The following PDE1A variants were observed in gnomAD, a reference collection of about 807,000 sequenced individuals.
PDE1A encodes dual specificity calcium/calmodulin-dependent 3',5'-cyclic nucleotide phosphodiesterase 1A.
In PDE1A, 35 loss-of-function variants were observed where a neutral mutation model predicts 61.7. The observed-to-expected ratio is 0.57, with a 90% CI of 0.43 to 0.75. The LOEUF is 0.75. Ranked by LOEUF, PDE1A falls within the 30% of genes least tolerant of loss-of-function variation. The probability of loss-of-function intolerance (pLI) is 0.00; values close to 1 mark genes in which losing one functional copy is unlikely to be tolerated. For synonymous variants in PDE1A, 232 were observed against 213.2 expected, an observed-to-expected ratio of 1.09 and a Z score of -0.77; for missense variants, 597 against 630.6, an observed-to-expected ratio of 0.95 and a Z score of 0.57.
chr2:182,488,351 C>T (rs772065752), intron 2 of PDE1A, among the ~76,000 whole-genome samples: 31 of 152,012 alleles, frequency 2.0e-4, no homozygotes, highest in South Asian at 4.1e-4. Context: ...TTCACAACTG[C>T]GACCTTCTGA....
intron 1 of PDE1A, among the ~76,000 whole-genome samples, chr2:182,425,851 G>A (rs1427364166): frequency 6.6e-6 from 1 of 152,098 alleles, no homozygotes; most frequent in African/African-American, 2.4e-5. Flanking sequence ...GGCAAAAATA[G>A]GGTTCAATTT....
chr2:182,416,610 C>A (rs1702933428), intron 1 of PDE1A, among the ~76,000 whole-genome samples: 1 of 151,978 alleles, frequency 6.6e-6, no homozygotes, highest in Admixed American at 6.6e-5. Context: ...TGAGGACAGG[C>A]TATCTTCCAG....
intron 2 of PDE1A, among the ~76,000 whole-genome samples, chr2:182,453,322 A>AT (rs986715356): frequency 6.6e-6 from 1 of 151,578 alleles, no homozygotes; most frequent in African/African-American, 2.4e-5. Flanking sequence ...GATGCAGGCC[A>AT]TTTTTTTTCT....
At chr2:182,617,863 T>C in the PDE1A span, among the ~76,000 whole-genome samples, 1 of 152,208 alleles carries the variant, frequency 6.6e-6, no homozygotes, top group Non-Finnish European at 1.5e-5. Flanking sequence ...CTGGATTACA[T>C]GTTAGCCCTT....
chr2:182,626,865 A>G, the PDE1A span, among the ~76,000 whole-genome samples: 1 of 48,088 alleles, frequency 2.1e-5, no homozygotes, highest in Non-Finnish European at 4.0e-5. Flanking sequence ...ATATACATAT[A>G]TATATACATA....
intron 2 of PDE1A, among the ~76,000 whole-genome samples, chr2:182,517,351 C>T (rs1030617204): frequency 2.0e-5 from 3 of 152,132 alleles, no homozygotes; most frequent in Non-Finnish European, 4.4e-5. Context: ...ATGTTTATTC[C>T]AGCTGTGAAT....
At chr2:182,615,500 C>T in the PDE1A span, among the ~76,000 whole-genome samples, 2 of 152,162 alleles carry the variant, frequency 1.3e-5, no homozygotes, top group African/African-American at 2.4e-5. Flanking sequence ...TCATTAGATG[C>T]TAAATTAGCA....
chr2:182,227,728 G>A (rs914519012), intron 6 of PDE1A, among the ~76,000 whole-genome samples: 1 of 152,034 alleles, frequency 6.6e-6, no homozygotes, highest in East Asian at 1.9e-4. Context: ...GTGGGGCATG[G>A]TTTTAAACTC....
exon 10 of PDE1A, chr2:182,201,543 T>G (rs761897646): frequency 6.2e-7 from 1 of 1,613,532 alleles, no homozygotes; most frequent in East Asian, 2.2e-5. Context: ...AGGGACATGG[T>G]TTTGGCTCTG....
At chr2:182,507,485 C>T (rs563673319) in intron 2 of PDE1A, among the ~76,000 whole-genome samples, 20 of 152,246 alleles carry the variant, frequency 1.3e-4, no homozygotes, top group African/African-American at 2.9e-4. Flanking sequence ...CTTCTTCACA[C>T]GCCAGTTTGA....
At chr2:182,670,375 C>T in the PDE1A span, among the ~76,000 whole-genome samples, 1 of 152,190 alleles carries the variant, frequency 6.6e-6, no homozygotes, top group Non-Finnish European at 1.5e-5. Context: ...CTGAGCTCTA[C>T]AACAGGGCAA....
intron 7 of PDE1A, among the ~76,000 whole-genome samples, chr2:182,221,089 T>TCCTCTTCCTTGTCATCCC (rs1266846702): frequency 2.0e-5 from 3 of 151,890 alleles, no homozygotes; most frequent in Non-Finnish European, 4.4e-5. Flanking sequence ...CTTCTTGTCC[T>TCCTCTTCCTTGTCATCCC]CCTCTTCCTT....
chr2:182,219,337 T>C lies in PDE1A; in HGVS notation c.776+4527A>G, dbSNP rs151328529. Among the ~76,000 whole-genome samples the C allele has an allele frequency of 2.3e-4, 35 of 152,200 alleles. 1 individual carries two copies. The East Asian group carries it at 6.0e-3, about 26-fold the overall frequency. Reference sequence around the variant, plus strand: ...ATACTTCAAGTTGCATTGATGAATTTGGTATTCTAACTTTAAGCCTGAAAT... The same window carrying C: ...ATACTTCAAGTTGCATTGATGAATTCGGTATTCTAACTTTAAGCCTGAAAT... On this transcript the variant is annotated intron_variant, in intron 7 of 13. Transcript: ENST00000351439.
chr2:182,207,566 G>A (rs1420887717), intron 7 of PDE1A, among the ~76,000 whole-genome samples: 1 of 152,202 alleles, frequency 6.6e-6, no homozygotes. Flanking sequence ...GAGAAGCAGA[G>A]CATAAAAGTT....
At chr2:182,306,476 C>T (rs967165614) in intron 1 of PDE1A, among the ~76,000 whole-genome samples, 2 of 148,806 alleles carry the variant, frequency 1.3e-5, no homozygotes, top group Non-Finnish European at 3.0e-5. Flanking sequence ...TCATATGGAA[C>T]CACACACACA....
intron 1 of PDE1A, among the ~76,000 whole-genome samples, chr2:182,408,499 C>T (rs1301645932): frequency 3.9e-5 from 6 of 152,164 alleles, no homozygotes; most frequent in Non-Finnish European, 8.8e-5. Context: ...TCATGATTAT[C>T]CCTTAGCCAT....
intron 13 of PDE1A, among the ~76,000 whole-genome samples, chr2:182,149,131 A>G (rs1334245598): frequency 1.1e-4 from 17 of 152,208 alleles, no homozygotes; most frequent in Admixed American, 1.0e-3. Context: ...AGTCTAGAAT[A>G]GAACAGAACA....
chr2:182,581,880 T>C, the PDE1A span, among the ~76,000 whole-genome samples: 2 of 152,100 alleles, frequency 1.3e-5, no homozygotes, highest in African/African-American at 2.4e-5. Flanking sequence ...GGAGGCAGAA[T>C]GGTTTTGTTA....
At chr2:182,507,322 C>T (rs1689476102) in intron 2 of PDE1A, among the ~76,000 whole-genome samples, 1 of 152,136 alleles carries the variant, frequency 6.6e-6, no homozygotes, top group Non-Finnish European at 1.5e-5. Context: ...TAGTGGACAA[C>T]AATAATAAAC....
Sources: gnomAD v4.1 joint callset for allele counts (sites outside exome capture counted in the v4.1 genomes callset) on GRCh38, gnomAD v4.1.1 for gene constraint, MANE v1.5 for transcripts, NCBI Gene and HGNC (gene_info 2026-07-23, HGNC 2026-07-21) for gene names.